Variants in NRG1 observed in about 807,000 individuals in gnomAD.
NRG1 encodes pro-neuregulin-1, membrane-bound isoform.
NRG1 carries 18 observed loss-of-function variants against 63.8 expected under a neutral mutation model. That is an observed-to-expected ratio of 0.28 (90% CI 0.19 to 0.42). The LOEUF (loss-of-function observed/expected upper bound fraction) is 0.42. Ranked by LOEUF, NRG1 falls within the 10% of genes least tolerant of loss-of-function variation. The pLI is 1.00. For missense variants in NRG1, 762 were observed against 814.7 expected (o/e 0.94, Z 0.79); for synonymous variants, 302 against 301.3 (o/e 1.00, Z -0.02).
At chr8:32,760,779 A>G in intron 11 of NRG1, 1 of 1,012,748 alleles carries the variant, frequency 9.9e-7, no homozygotes, top group Non-Finnish European at 1.2e-6. Flanking sequence ...CTATAATTCC[A>G]ATTGCCAGTT....
In NRG1 at chr8:32,742,377, T is replaced by C. The variant is rs1826543143; in HGVS notation, c.633-298T>C. On this transcript the variant is annotated intron_variant, in intron 6 of 11. Coordinates refer to ENST00000356819, the Ensembl canonical transcript of NRG1. This position sits in a 1 kb window ranked among gnomAD's most constrained non-coding sequence, Gnocchi z 4.2. Reference sequence around the variant, plus strand: ...TGACCAAAGCCATCATATGGAAAACTGAGATGAATAAAACATCGGATTTCA... The same window carrying C: ...TGACCAAAGCCATCATATGGAAAACCGAGATGAATAAAACATCGGATTTCA... Among the ~76,000 whole-genome samples, 1 of 152,026 alleles carries C rather than the reference T, an allele frequency of 6.6e-6. No homozygotes were observed. Among genetic ancestry groups the C allele is most frequent in the African/African-American group, 2.4e-5 (1 of 41,404 alleles).
At chr8:32,581,189 A>T (rs1025825881) in intron 1 of NRG1, among the ~76,000 whole-genome samples, 2 of 152,234 alleles carry the variant, frequency 1.3e-5, no homozygotes, top group Admixed American at 1.3e-4. Context: ...CTGATGCACA[A>T]TGATATTTGT....
At chr8:32,122,870 C>T (rs574449673) in intron 1 of NRG1, among the ~76,000 whole-genome samples, 40 of 151,568 alleles carry the variant, frequency 2.6e-4, no homozygotes, top group African/African-American at 8.2e-4. Context: ...TGAGAACACA[C>T]GGTGTTTGGT....
chr8:32,201,140 C>T (rs1843464668), intron 1 of NRG1, among the ~76,000 whole-genome samples: 1 of 152,188 alleles, frequency 6.6e-6, no homozygotes, highest in South Asian at 2.1e-4. Flanking sequence ...TCAGCTGCTG[C>T]TCATCCACCT....
At chr8:32,548,927 C>T in intron 1 of NRG1, 101 bp downstream of exon 1, 3 of 1,392,928 alleles carry the variant, frequency 2.2e-6, no homozygotes, top group Non-Finnish European at 2.8e-6. Context: ...CTCTCCCTCG[C>T]CCGTCCTCTT....
chr8:32,048,332 CATGTATGTAT>C (rs1821364187), intron 1 of NRG1, among the ~76,000 whole-genome samples: 1 of 147,690 alleles, frequency 6.8e-6, no homozygotes, highest in African/African-American at 2.5e-5. Flanking sequence ...TACATATGTA[CATGTATGTAT>C]GTATGAATAT....
At position 31,921,294 on chromosome 8, in the gene NRG1, G is replaced by T. The variant is rs182405293; in HGVS notation, c.37+281863G>T. 3.9e-5 allele frequency among the ~76,000 whole-genome samples: 6 copies of T among 152,226 alleles called. 1 individual carries two copies. Among genetic ancestry groups the T allele is most frequent in the Admixed American group, 3.3e-4 (5 of 15,272 alleles). ...TAGCTTATAATGTCTGTCAGCCTGGGTGATGTGGATGGGCCACTGTGTTCT... is the reference window on the plus strand; with the variant it reads ...TAGCTTATAATGTCTGTCAGCCTGGTTGATGTGGATGGGCCACTGTGTTCT... On this transcript the variant is annotated intron_variant, in intron 1 of 10. Coordinates refer to the NRG1 transcript ENST00000519301.
intron 1 of NRG1, among the ~76,000 whole-genome samples, chr8:32,248,130 T>C (rs1239094464): frequency 1.3e-5 from 2 of 152,126 alleles, no homozygotes; most frequent in Non-Finnish European, 2.9e-5. Context: ...TATTTTTTTC[T>C]TAACAAAAAC....
At chr8:32,317,665 C>T (rs76825279) in intron 1 of NRG1, among the ~76,000 whole-genome samples, 10,650 of 152,176 alleles carry the variant, frequency 0.07, 467 homozygotes, top group Middle Eastern at 0.14. Context: ...AATCACAGAA[C>T]GTACACAAAG....
intron 1 of NRG1, among the ~76,000 whole-genome samples, chr8:32,401,190 G>T (rs1813145503): frequency 6.6e-6 from 1 of 151,946 alleles, no homozygotes; most frequent in Admixed American, 6.6e-5. Context: ...TACCTATAGG[G>T]TACTATGCTT....
intron 7 of NRG1, among the ~76,000 whole-genome samples, chr8:32,754,107 A>AT (rs1829234595): frequency 6.6e-6 from 1 of 152,192 alleles, no homozygotes; most frequent in African/African-American, 2.4e-5. Flanking sequence ...TCAACTATAT[A>AT]TATCTCTATA....
At chr8:32,721,469 T>G (rs1820616198) in intron 5 of NRG1, among the ~76,000 whole-genome samples, 1 of 152,134 alleles carries the variant, frequency 6.6e-6, no homozygotes, top group African/African-American at 2.4e-5. Context: ...TAATTCTGCT[T>G]TAGAAAGTCC....
chr8:32,573,843 C>T (rs1839108693), intron 1 of NRG1, among the ~76,000 whole-genome samples: 1 of 152,092 alleles, frequency 6.6e-6, no homozygotes, highest in African/African-American at 2.4e-5. Context: ...TGAAATTCCC[C>T]TTCCTGTGCC....
At chr8:32,378,948 C>T (rs541391484) in intron 1 of NRG1, among the ~76,000 whole-genome samples, 8 of 152,266 alleles carry the variant, frequency 5.3e-5, no homozygotes, top group African/African-American at 1.7e-4. Context: ...AGGACATGAA[C>T]TCATCATTTT....
At chr8:31,679,759 A>G (rs1808121966) in intron 1 of NRG1, among the ~76,000 whole-genome samples, 1 of 152,128 alleles carries the variant, frequency 6.6e-6, no homozygotes, top group Non-Finnish European at 1.5e-5. Context: ...TTGAAGAGGA[A>G]GAAACAATGC....
At chr8:32,749,452 C>G in intron 7 of NRG1, 1 of 1,124,514 alleles carries the variant, frequency 8.9e-7, no homozygotes, top group East Asian at 2.4e-5. Context: ...TGTGCATGCA[C>G]AGAGAGCCAT....
chr8:31,703,101 T>C (rs1478752964), intron 1 of NRG1, among the ~76,000 whole-genome samples: 1 of 147,912 alleles, frequency 6.8e-6, no homozygotes, highest in Non-Finnish European at 1.5e-5. Context: ...ATCTAGTATG[T>C]TGTTTCTATC....
intron 7 of NRG1, chr8:32,748,702 C>T (rs556705382): frequency 2.2e-6 from 1 of 456,364 alleles, no homozygotes; most frequent in Admixed American, 2.3e-5. Context: ...GAAGTGATTT[C>T]ACTGGCTCTC....
intron 1 of NRG1, among the ~76,000 whole-genome samples, chr8:31,668,495 A>G (rs567986892): frequency 8.5e-5 from 13 of 152,338 alleles, no homozygotes; most frequent in African/African-American, 2.9e-4. Context: ...AAAGAGTACT[A>G]TTCAAAAGTG....
Sources: allele counts gnomAD v4.1 joint callset (sites outside exome capture counted in the v4.1 genomes callset), GRCh38; gene constraint gnomAD v4.1.1; non-coding constraint Gnocchi (gnomAD v3.1); transcripts MANE v1.5; gene names NCBI Gene and HGNC (gene_info 2026-07-23, HGNC 2026-07-21).